Variants in SIK2 observed in about 807,000 individuals in gnomAD.
The protein encoded by SIK2 is salt inducible kinase 2.
A neutral mutation model predicts 103.2 loss-of-function variants in SIK2; 29 were observed. The observed-to-expected ratio is 0.28, with a 90% CI of 0.21 to 0.38. SIK2 has a LOEUF of 0.38. Ranked by LOEUF, SIK2 falls within the 10% of genes least tolerant of loss-of-function variation. The pLI, the probability that SIK2 is intolerant of heterozygous loss-of-function variation, is 1.00. For missense variants in SIK2, 879 were observed against 1,171.0 expected (o/e 0.75, Z 3.64); for synonymous variants, 412 against 446.1 (o/e 0.92, Z 0.96).
At position 111,722,054 on chromosome 11, in the gene SIK2, A is replaced by G. The variant is rs1943818649; in HGVS notation, c.2055+114A>G. The G allele has an allele frequency of 2.9e-6, 2 of 689,196 alleles. No individual in the cohort carries two copies. The highest frequency in any genetic ancestry group is 3.4e-5 in the Admixed American group (1 of 29,142). The allele number at this position is 689,196 out of a possible 1,614,324, so 42.7% of individuals were successfully genotyped here. A position where few individuals can be genotyped will look rare whatever the true frequency, so the allele number is the denominator to read the frequency against. Reference sequence around the variant, plus strand: ...ATTTAGGGTAGCTGCTTGATTCCTTATAGGCAAGTAGCTTTGACTCTGTAC... The same window carrying G: ...ATTTAGGGTAGCTGCTTGATTCCTTGTAGGCAAGTAGCTTTGACTCTGTAC... On this transcript the variant is annotated intron_variant, in intron 13 of 14. Transcript: ENST00000304987. This position sits in a 1 kb window ranked among gnomAD's most constrained non-coding sequence, Gnocchi z 4.4.
intron 3 of SIK2, among the ~76,000 whole-genome samples, chr11:111,625,524 C>T (rs1941949592): frequency 6.6e-6 from 1 of 152,110 alleles, no homozygotes; most frequent in Admixed American, 6.5e-5. Flanking sequence ...GCAGAAGAGA[C>T]AGAGGAGGAA....
intron 1 of SIK2, among the ~76,000 whole-genome samples, chr11:111,612,018 C>A (rs1941734075): frequency 6.6e-6 from 1 of 152,084 alleles, no homozygotes; most frequent in Non-Finnish European, 1.5e-5. Context: ...CTTCTTCTTA[C>A]ATACCTATTA....
rs779494406 is a variant in SIK2 at position 111,721,959 on chromosome 11, G to A, written c.2055+19G>A. 2.9e-5 allele frequency: 44 copies of A among 1,538,268 alleles called. No individual in the cohort carries two copies. Among genetic ancestry groups the A allele is most frequent in the East Asian group, 2.3e-4 (10 of 43,640 alleles). ...ACTCCAGGTGGGTCCTTCTCCTTGC[G>A]AGTCCACCTCACTCTGCTCATCCAG... On this transcript the variant is annotated intron_variant, in intron 13 of 14. Coordinates refer to ENST00000304987, the MANE Select transcript of SIK2 (RefSeq NM_015191.3).
intron 8 of SIK2, among the ~76,000 whole-genome samples, chr11:111,708,764 T>C (rs1314807927): frequency 6.6e-6 from 1 of 152,048 alleles, no homozygotes; most frequent in Admixed American, 6.6e-5. Context: ...TTTTTTTATT[T>C]TTTTGTGGAG....
At chr11:111,621,900 G>A (rs1941891961) in intron 3 of SIK2, among the ~76,000 whole-genome samples, 2 of 151,674 alleles carry the variant, frequency 1.3e-5, no homozygotes, top group South Asian at 4.2e-4. Context: ...GCAACAGAGT[G>A]AGATTTCATC....
intron 3 of SIK2, among the ~76,000 whole-genome samples, chr11:111,633,742 C>T (rs1449523200): frequency 6.6e-6 from 1 of 152,148 alleles, no homozygotes; most frequent in Admixed American, 6.6e-5. Flanking sequence ...AGAACATATG[C>T]ATTTAACCTG....
Position 111,720,969 on chromosome 11 carries a change from G to A in SIK2, c.1851G>A (p.Val617=), listed in dbSNP as rs1388502730. The change falls in exon 12 of 15, where the codon GTG becomes GTA. Residue 617 remains valine (V), a synonymous_variant. Transcript: ENST00000304987. The stretch of plus-strand genomic sequence containing the variant: ...AAGGAATTCTAGAGTTGAACAAAGT[G>A]CAGTTGTTGTATGAACAAATAGGAC... ...RTKGILELNK[V]QLLYEQIGPE... The A allele has an allele frequency of 1.2e-6, 2 of 1,614,080 alleles. No homozygotes were observed. The highest frequency in any genetic ancestry group is 1.7e-6 in the Non-Finnish European group (2 of 1,180,042).
rs545142248 is a variant in SIK2, at chr11:111,656,070, G to A, written c.317-31931G>A. Among the ~76,000 whole-genome samples the A allele has an allele frequency of 2.0e-5, 3 of 151,160 alleles. No homozygotes were observed. The South Asian group carries it at 6.3e-4, about 32-fold the overall frequency. On this transcript the variant is annotated intron_variant, in intron 3 of 14. Coordinates refer to ENST00000304987, the MANE Select transcript of SIK2 (RefSeq NM_015191.3). ...CCTGGTTTGGTGCTGCGTACCTGTG[G>A]TCCCAGCTACTCAGGAGGCTGAGGT...
chr11:111,724,319 GT>G lies in SIK2; in HGVS notation c.*194del, dbSNP rs1463567822. 15 of 778,498 alleles carry G rather than the reference GT, an allele frequency of 1.9e-5. No individual in the cohort carries two copies. The African/African-American group carries it at 2.6e-4, about 14-fold the overall frequency. 48.2% of individuals were successfully genotyped at this position (778,498 alleles called of 1,614,324 possible). On this transcript the variant is annotated 3_prime_UTR_variant, in exon 15 of 15. Transcript: ENST00000304987. Reference sequence around the variant, plus strand: ...CCTCCTGGTTCTGCCCCACCACAAAGTTTTCTGTGGCAAGTGCTGGAACATA... The same window carrying G: ...CCTCCTGGTTCTGCCCCACCACAAAGTTTCTGTGGCAAGTGCTGGAACATA...
At chr11:111,637,351 A>C (rs1017401300) in intron 3 of SIK2, among the ~76,000 whole-genome samples, 1 of 151,638 alleles carries the variant, frequency 6.6e-6, no homozygotes, top group African/African-American at 2.4e-5. Flanking sequence ...TATTGCCTAA[A>C]GGCTTTAAAT....
rs1158934524 is a variant in SIK2 at position 111,616,284 on chromosome 11, G to C, written c.177G>C (p.Val59=). 1 of 1,613,568 alleles carries C rather than the reference G, an allele frequency of 6.2e-7. No homozygotes were observed. Among genetic ancestry groups the C allele is most frequent in the African/African-American group, 1.3e-5 (1 of 74,872 alleles). ...TCGATAAGTCTCAGCTGGATGCAGT[G>C]AACCTTGAGAAAATCTACCGAGAAG... is the stretch of plus-strand genomic sequence containing the variant. ...KIIDKSQLDA[V]NLEKIYREVQ... is the part of the protein sequence containing the mutation. The change falls in exon 2 of 15, where the codon GTG becomes GTC. Residue 59 remains valine (V), a synonymous_variant. Transcript: ENST00000304987.
At chr11:111,684,752 T>A (rs1342206266) in intron 3 of SIK2, among the ~76,000 whole-genome samples, 1 of 152,246 alleles carries the variant, frequency 6.6e-6, no homozygotes, top group African/African-American at 2.4e-5. Flanking sequence ...GTTGGCAGTT[T>A]GGACATTTTG....
rs115741861 is a variant in SIK2, at chr11:111,639,179, A to C, written c.316+18777A>C. On this transcript the variant is annotated intron_variant, in intron 3 of 14. Transcript: ENST00000304987. Reference sequence around the variant, plus strand: ...AGCTCTGGGAACCATTCAGCTCACAACACCTTGTCATTCTTTGCCAAACCT... The same window carrying C: ...AGCTCTGGGAACCATTCAGCTCACACCACCTTGTCATTCTTTGCCAAACCT... Among the ~76,000 whole-genome samples, 1,441 of 152,338 alleles carry C rather than the reference A, an allele frequency of 9.5e-3. 20 individuals carry two copies. Among genetic ancestry groups the C allele is most frequent in the African/African-American group, 0.032 (1,348 of 41,574 alleles).
chr11:111,653,577 A>G (rs1280111726), intron 3 of SIK2, among the ~76,000 whole-genome samples: 2 of 152,228 alleles, frequency 1.3e-5, no homozygotes, highest in Non-Finnish European at 2.9e-5. Context: ...GGTGTAATGA[A>G]GGCTTGTCTT....
chr11:111,705,306 AT>A lies in SIK2; in HGVS notation c.1101+172del, dbSNP rs1381702303. Among the ~76,000 whole-genome samples the A allele has an allele frequency of 6.6e-6, 1 of 152,166 alleles. No homozygotes were observed. Among genetic ancestry groups the A allele is most frequent in the Non-Finnish European group, 1.5e-5 (1 of 68,032 alleles). On this transcript the variant is annotated intron_variant, in intron 8 of 14. Coordinates refer to ENST00000304987, the MANE Select transcript of SIK2 (RefSeq NM_015191.3). The surrounding 1 kb of genome is among the most constrained non-coding windows in gnomAD (Gnocchi z 4.3). ...TTCTCAAATGTTTTAGCACTTCCTC[AT>A]TTTTAAGGGTTAACTTTATTTCAAA...
chr11:111,721,835 A>T lies in SIK2; in HGVS notation c.1950A>T (p.Glu650Asp). The T allele has an allele frequency of 6.2e-7, 1 of 1,606,310 alleles. No homozygotes were observed. The highest frequency in any genetic ancestry group is 1.1e-5 in the South Asian group (1 of 89,854). Residue 650 changes from glutamate to aspartate, a missense_variant, in exon 13 of 15, where the codon GAA becomes GAT. Around this residue, in one of 7 missense-constraint regions of SIK2, gnomAD observed 375 missense variants for 416.3 expected, o/e 0.90. Transcript: ENST00000304987. ...QDLASSCPQE[E>D]VSQQQESVST... ...TCCACCCCCTTGCTCCTCAGGAAGA[A>T]GTTTCTCAGCAGCAGGAAAGCGTCT... is the stretch of plus-strand genomic sequence containing the variant.
At chr11:111,663,653 G>A (rs891513916) in intron 3 of SIK2, among the ~76,000 whole-genome samples, 3 of 152,100 alleles carry the variant, frequency 2.0e-5, no homozygotes, top group African/African-American at 7.2e-5. Context: ...CTGGAGTAGA[G>A]AGAGGAGACT....
At chr11:111,680,764 G>A (rs992704358) in intron 3 of SIK2, among the ~76,000 whole-genome samples, 18 of 152,218 alleles carry the variant, frequency 1.2e-4, no homozygotes, top group South Asian at 6.2e-4. Flanking sequence ...AAGCAGTGAC[G>A]ACGATGATGA....
At chr11:111,624,158 A>G (rs1941930435) in intron 3 of SIK2, among the ~76,000 whole-genome samples, 1 of 152,230 alleles carries the variant, frequency 6.6e-6, no homozygotes, top group South Asian at 2.1e-4. Context: ...TTATTAATTT[A>G]AGGTATTTTA....
Sources: allele counts gnomAD v4.1 joint callset (sites outside exome capture counted in the v4.1 genomes callset), GRCh38; gene constraint gnomAD v4.1.1; regional missense constraint gnomAD v4.1.1; non-coding constraint Gnocchi (gnomAD v3.1); transcripts MANE v1.5; gene names NCBI Gene and HGNC (gene_info 2026-07-23, HGNC 2026-07-21).